ZEB1: variants seen among roughly 807,000 people sequenced by gnomAD.
ZEB1 encodes the protein zinc finger E-box-binding homeobox 1.
Under a neutral mutation model 84.9 loss-of-function variants are expected in ZEB1, and 21 were observed. The ratio of observed to expected loss-of-function variants is 0.25; its 90% CI spans 0.18 to 0.36. The LOEUF is 0.36. ZEB1 is among the 10% of genes least tolerant of loss of function. The pLI is 1.00. For synonymous variants in ZEB1, 420 were observed against 471.1 expected, an observed-to-expected ratio of 0.89 and a Z score of 1.41; for missense variants, 1,104 against 1,330.2, an observed-to-expected ratio of 0.83 and a Z score of 2.65.
chr10:31,432,073 T>C (rs1027982231), intron 1 of ZEB1, among the ~76,000 whole-genome samples: 4 of 152,204 alleles, frequency 2.6e-5, no homozygotes, highest in Non-Finnish European at 4.4e-5. Context: ...AACAAAGATA[T>C]GATAAAATAC....
chr10:31,487,879 C>T (rs1321499220), intron 2 of ZEB1, among the ~76,000 whole-genome samples: 1 of 151,092 alleles, frequency 6.6e-6, no homozygotes, highest in East Asian at 1.9e-4. Flanking sequence ...TTGAAATGAT[C>T]ATATGGTTTT....
chr10:31,506,513 T>C (rs2069003821), intron 4 of ZEB1, among the ~76,000 whole-genome samples: 1 of 152,110 alleles, frequency 6.6e-6, no homozygotes, highest in Admixed American at 6.5e-5. Context: ...TGTCATTCTT[T>C]AATGACCTTC....
At chr10:31,522,719 C>T (rs559681309) in intron 7 of ZEB1, among the ~76,000 whole-genome samples, 1 of 152,234 alleles carries the variant, frequency 6.6e-6, no homozygotes, top group South Asian at 2.1e-4. Context: ...CCATCAATTT[C>T]TGATGGAATC....
At chr10:31,475,544 G>T (rs578013113) in intron 2 of ZEB1, among the ~76,000 whole-genome samples, 1 of 152,228 alleles carries the variant, frequency 6.6e-6, no homozygotes, top group African/African-American at 2.4e-5. Flanking sequence ...GGCAGCTAGA[G>T]ACAAGTGTCA....
At chr10:31,373,127 C>T (rs1234488263) in intron 1 of ZEB1, 1 of 985,218 alleles carries the variant, frequency 1.0e-6, no homozygotes, top group Non-Finnish European at 1.2e-6. Flanking sequence ...CATAGGAAAG[C>T]ACTATCAAGA....
At position 31,520,841 on chromosome 10, in the gene ZEB1, TTG is replaced by T; in HGVS notation, c.1511_1512del (p.Cys504Ter). 2 of 1,614,018 alleles carry T rather than the reference TTG, an allele frequency of 1.2e-6. No homozygotes were observed. The highest frequency in any genetic ancestry group is 1.3e-5 in the African/African-American group (1 of 75,018). On this transcript the variant is annotated frameshift_variant, in exon 7 of 9. Transcript: ENST00000424869. LOFTEE classifies it high-confidence loss of function. This position sits in a 1 kb window ranked among gnomAD's most constrained non-coding sequence, Gnocchi z 5.1. The part of the protein sequence containing the change: ...KKENPVATNS[C>X]KSEKLPEDLT... ...AAGAAAATCCAGTCGCTACAAACAG[TTG>T]TAAAAGTGAAAAGTTACCAGAAGAT...
At position 31,360,917 on chromosome 10, in the gene ZEB1, G is replaced by A. The variant is rs570398707; in HGVS notation, c.58+41625G>A. ...TAACCTGAAACAGTACTGCATGGAT[G>A]CTCTAATAAATTGCATGTCTGGAGG... On this transcript the variant is annotated intron_variant, in intron 1 of 8. Coordinates refer to ENST00000424869, the MANE Select transcript of ZEB1 (RefSeq NM_001174096.2). 1.2e-3 allele frequency: 1,786 copies of A among 1,506,036 alleles called. 2 individuals carry two copies. Among genetic ancestry groups the A allele is most frequent in the Non-Finnish European group, 1.5e-3 (1,658 of 1,095,104 alleles). 93.3% of individuals were successfully genotyped at this position (1,506,036 alleles called of 1,614,324 possible). A position where few individuals can be genotyped will look rare whatever the true frequency, so the allele number is the denominator to read the frequency against.
At chr10:31,358,465 G>C (rs186939415) in intron 1 of ZEB1, 1 of 152,100 alleles carries the variant, frequency 6.6e-6, no homozygotes, top group East Asian at 1.9e-4. Context: ...TCATTTAATA[G>C]ACACCTGTCT....
chr10:31,444,398 G>A (rs1226924939), intron 1 of ZEB1, among the ~76,000 whole-genome samples: 5 of 151,608 alleles, frequency 3.3e-5, no homozygotes, highest in Non-Finnish European at 7.4e-5. Context: ...CTTTTGCTGT[G>A]CAGAAGCTCT....
intron 8 of ZEB1, 77 bp from the exon 9 acceptor site, chr10:31,526,595 G>C (rs2073494902): frequency 6.4e-7 from 1 of 1,554,940 alleles, no homozygotes; most frequent in South Asian, 1.2e-5. Context: ...TCTACAACAT[G>C]AAGTACCCCA....
chr10:31,434,874 G>A (rs2058110242), intron 1 of ZEB1, among the ~76,000 whole-genome samples: 1 of 152,108 alleles, frequency 6.6e-6, no homozygotes, highest in Non-Finnish European at 1.5e-5. Context: ...CCTTTGTTAT[G>A]CCCTGTAAAG....
At chr10:31,388,277 C>G (rs431073) in intron 1 of ZEB1, among the ~76,000 whole-genome samples, 1 of 151,974 alleles carries the variant, frequency 6.6e-6, no homozygotes, top group East Asian at 1.9e-4. Context: ...CTGGTGAAGA[C>G]ATTAAATTTG....
chr10:31,447,639 G>C, intron 1 of ZEB1, among the ~76,000 whole-genome samples: 1 of 144,804 alleles, frequency 6.9e-6, no homozygotes, highest in African/African-American at 2.6e-5. Flanking sequence ...GCATTTGCTT[G>C]TGTGTAAAGG....
intron 1 of ZEB1, chr10:31,374,903 T>C (rs1294909299): frequency 6.6e-6 from 1 of 151,846 alleles, no homozygotes; most frequent in Non-Finnish European, 1.5e-5. Context: ...AGGAAAGCCC[T>C]GAAGAGGGAC....
intron 2 of ZEB1, among the ~76,000 whole-genome samples, chr10:31,469,817 G>C (rs1057513766): frequency 5.9e-5 from 9 of 152,134 alleles, no homozygotes; most frequent in Non-Finnish European, 1.0e-4. Context: ...GTCCCTGTCT[G>C]ACAGCTTTGA....
In ZEB1 at chr10:31,510,819, G is replaced by T. The variant is rs781621732; in HGVS notation, c.631G>T (p.Ala211Ser). The change falls in exon 5 of 9, where the codon GCA becomes TCA. Residue 211 changes from alanine (A) to serine (S), a missense_variant. Around this residue, in one of 7 missense-constraint regions of ZEB1, gnomAD observed 71 missense variants for 119.1 expected, o/e 0.60. Transcript: ENST00000424869. The part of the protein sequence containing the change: ...FSCSLCSYTF[A>S]YRTQLERHMT... ...TTGCTCCCTGTGCAGTTACACCTTT[G>T]CATACAGAACCCAACTTGAACGTCA... 1.2e-6 allele frequency: 2 copies of T among 1,613,782 alleles called. No homozygotes were observed. The highest frequency in any genetic ancestry group is 1.7e-6 in the Non-Finnish European group (2 of 1,179,908).
intron 1 of ZEB1, among the ~76,000 whole-genome samples, chr10:31,331,877 T>C (rs1338544788): frequency 6.6e-6 from 1 of 152,080 alleles, no homozygotes; most frequent in East Asian, 1.9e-4. Context: ...GAAGAAAAAA[T>C]GCTTTATATT....
intron 1 of ZEB1, among the ~76,000 whole-genome samples, chr10:31,323,371 T>C (rs2034610356): frequency 6.6e-6 from 1 of 151,366 alleles, no homozygotes; most frequent in South Asian, 2.1e-4. Context: ...GATAATACTG[T>C]GTAATTATTT....
chr10:31,429,498 A>G (rs1052182954), intron 1 of ZEB1, among the ~76,000 whole-genome samples: 8 of 152,110 alleles, frequency 5.3e-5, no homozygotes, highest in Non-Finnish European at 1.2e-4. Context: ...ACACATGGGC[A>G]CACAGAGGGG....
Sources: allele counts gnomAD v4.1 joint callset (sites outside exome capture counted in the v4.1 genomes callset), GRCh38; gene constraint gnomAD v4.1.1; regional missense constraint gnomAD v4.1.1; non-coding constraint Gnocchi (gnomAD v3.1); transcripts MANE v1.5; gene names NCBI Gene and HGNC (gene_info 2026-07-23, HGNC 2026-07-21).